The following MYT1 variants were observed in gnomAD, a reference collection of about 807,000 sequenced individuals.
MYT1 encodes the protein myelin transcription factor 1.
MYT1 carries 23 observed loss-of-function variants against 123.0 expected under a neutral mutation model. The observed-to-expected ratio is 0.19, with a 90% confidence interval of 0.13 to 0.26. The LOEUF is 0.26. Ranked by LOEUF, MYT1 falls within the 10% of genes least tolerant of loss-of-function variation. The pLI, the probability that MYT1 is intolerant of heterozygous loss-of-function variation, is 1.00. For synonymous variants in MYT1, 518 were observed against 575.3 expected (o/e 0.90, Z 1.43); for missense variants, 1,125 against 1,472.5 (o/e 0.76, Z 3.86).
intron 2 of MYT1, 55 bp from the exon 3 acceptor site, chr20:64,198,807 A>G: frequency 4.4e-6 from 7 of 1,590,340 alleles, no homozygotes; most frequent in Non-Finnish European, 6.0e-6. Context: ...ATGGCTCTGT[A>G]CTCCAGAGGC....
Position 64,186,900 on chromosome 20 carries a change from C to T in MYT1, c.-98-3163C>T, listed in dbSNP as rs59789404. On this transcript the variant is annotated intron_variant, in intron 1 of 22. Coordinates refer to ENST00000328439, the MANE Select transcript of MYT1 (RefSeq NM_004535.3). This position sits in a 1 kb window ranked among gnomAD's most constrained non-coding sequence, Gnocchi z 4.3. Reference sequence around the variant, plus strand: ...TTCCGTGGAGACTTTTCCTGTAGCCCGTGGCCCCGGCATCCATGTTTCCGT... The same window carrying T: ...TTCCGTGGAGACTTTTCCTGTAGCCTGTGGCCCCGGCATCCATGTTTCCGT... Among the ~76,000 whole-genome samples the T allele has an allele frequency of 0.15, 21,194 of 143,200 alleles. 1,887 individuals carry two copies. Among genetic ancestry groups the T allele is most frequent in the African/African-American group, 0.28 (10,498 of 37,144 alleles). 93.9% of individuals were successfully genotyped at this position (143,200 alleles called of 152,430 possible). A position where few individuals can be genotyped will look rare whatever the true frequency, so the allele number is the denominator to read the frequency against.
chr20:64,184,943 G>T (rs909659245), intron 1 of MYT1, among the ~76,000 whole-genome samples: 2 of 152,216 alleles, frequency 1.3e-5, no homozygotes, highest in Non-Finnish European at 1.5e-5. Context: ...TGCCACAGAA[G>T]GGGGTGAACA....
chr20:64,222,980 G>A, intron 14 of MYT1, 131 bp from the exon 15 acceptor site: 1 of 913,820 alleles, frequency 1.1e-6, no homozygotes, highest in Non-Finnish European at 1.8e-6. Flanking sequence ...CAAGGACTGA[G>A]TGGAGGAGGG....
At chr20:64,237,603 G>A (rs558173208) in intron 21 of MYT1, among the ~76,000 whole-genome samples, 3 of 152,296 alleles carry the variant, frequency 2.0e-5, no homozygotes, top group East Asian at 3.9e-4. Flanking sequence ...CCAGTGGGCC[G>A]CCGGAGCTGG....
rs1982923383 is a variant in MYT1 at position 64,190,226 on chromosome 20, C to T, written c.-1+66C>T. On this transcript the variant is annotated intron_variant, in intron 2 of 22. Coordinates refer to ENST00000328439, the MANE Select transcript of MYT1 (RefSeq NM_004535.3). This position sits in a 1 kb window ranked among gnomAD's most constrained non-coding sequence, Gnocchi z 4.1. ...CCATGGCTGCCTGCACAAAGCCTCT[C>T]TTCAGCTGCAGGCATGAAGCATGGA... 1 of 152,646 alleles carries T rather than the reference C, an allele frequency of 6.6e-6. No homozygotes were observed. The highest frequency in any genetic ancestry group is 2.1e-4 in the South Asian group (1 of 4,836). 9.5% of individuals were successfully genotyped at this position (152,646 alleles called of 1,614,324 possible).
In MYT1 at chr20:64,241,794, A is replaced by T. The variant is rs1247059441; in HGVS notation, c.*1346A>T. The T allele has an allele frequency of 6.6e-6, 1 of 152,602 alleles. No individual in the cohort carries two copies. The highest frequency in any genetic ancestry group is 1.5e-5 in the Non-Finnish European group (1 of 68,028). The allele number at this position is 152,602 out of a possible 1,614,324, so 9.5% of individuals were successfully genotyped here. ...TTGATGCAACCAAGTTATTTTTTAT[A>T]TATTTTGTTATTTATTCTTTTAATA... On this transcript the variant is annotated 3_prime_UTR_variant, in exon 23 of 23. Coordinates refer to ENST00000328439, the MANE Select transcript of MYT1 (RefSeq NM_004535.3). The surrounding 1 kb of genome is among the most constrained non-coding windows in gnomAD (Gnocchi z 4.2).
At chr20:64,225,278 C>A (rs1984136332) in intron 16 of MYT1, among the ~76,000 whole-genome samples, 1 of 152,220 alleles carries the variant, frequency 6.6e-6, no homozygotes, top group South Asian at 2.1e-4. Flanking sequence ...CCCTCCTGAT[C>A]AGCCTCGTGG....
rs1455594463 is a variant in MYT1, at chr20:64,190,838, A to G, written c.-1+678A>G. On this transcript the variant is annotated intron_variant, in intron 2 of 22. Coordinates refer to ENST00000328439, the MANE Select transcript of MYT1 (RefSeq NM_004535.3). This position sits in a 1 kb window ranked among gnomAD's most constrained non-coding sequence, Gnocchi z 4.1. The stretch of plus-strand genomic sequence containing the variant: ...ACAAAAATTAGCCGGGCATGGTGGC[A>G]TGCGCCTGTAATCCCAGCTACTGGG... Among the ~76,000 whole-genome samples the G allele has an allele frequency of 6.6e-6, 1 of 152,062 alleles. No homozygotes were observed.
At chr20:64,238,985 C>T (rs1241604653) in intron 21 of MYT1, among the ~76,000 whole-genome samples, 1 of 152,198 alleles carries the variant, frequency 6.6e-6, no homozygotes, top group African/African-American at 2.4e-5. Flanking sequence ...GCAGAAGAAG[C>T]GTGCTTGACC....
At chr20:64,211,054 A>ACTGT (rs1227570723) in intron 7 of MYT1, 152 bp from the exon 8 acceptor site, 4 of 816,770 alleles carry the variant, frequency 4.9e-6, no homozygotes, top group Non-Finnish European at 7.2e-6. Flanking sequence ...GGGTCTCCTG[A>ACTGT]CTGTCCAGCC....
chr20:64,226,242 C>A (rs1419217819), intron 16 of MYT1, among the ~76,000 whole-genome samples: 3 of 152,230 alleles, frequency 2.0e-5, no homozygotes, highest in African/African-American at 7.2e-5. Context: ...CCCAGGAGGG[C>A]ACCCCAAAAA....
intron 12 of MYT1, among the ~76,000 whole-genome samples, chr20:64,219,393 TCA>T (rs1366216103): frequency 6.6e-6 from 1 of 152,232 alleles, no homozygotes; most frequent in Non-Finnish European, 1.5e-5. Flanking sequence ...CGTGCCCTGT[TCA>T]CACGTGTTTC....
chr20:64,173,701 G>C (rs1982366854), intron 1 of MYT1, among the ~76,000 whole-genome samples: 2 of 2,242 alleles, frequency 8.9e-4, no homozygotes, highest in East Asian at 0.17. Context: ...ATCTTTCCTT[G>C]TAGTTGTGTC....
At chr20:64,228,077 C>A in intron 18 of MYT1, 106 bp downstream of exon 18, 1 of 1,097,808 alleles carries the variant, frequency 9.1e-7, no homozygotes, top group Non-Finnish European at 1.3e-6. Context: ...ATTAATACAA[C>A]GGGTCACCTA....
chr20:64,164,724 A>G lies in MYT1; in HGVS notation c.-114A>G, dbSNP rs1982032587. The G allele has an allele frequency of 6.6e-6, 1 of 152,122 alleles. No individual in the cohort carries two copies. Among genetic ancestry groups the G allele is most frequent in the Non-Finnish European group, 1.5e-5 (1 of 68,038 alleles). The allele number at this position is 152,122 out of a possible 1,614,324, so 9.4% of individuals were successfully genotyped here. A position where few individuals can be genotyped will look rare whatever the true frequency, so the allele number is the denominator to read the frequency against. On this transcript the variant is annotated 5_prime_UTR_variant, in exon 1 of 23. Coordinates refer to ENST00000328439, the MANE Select transcript of MYT1 (RefSeq NM_004535.3). Reference sequence around the variant, plus strand: ...ATGTCATTTTGAAAGAGGACAGACAATAGCTGTGGGGAAAGGTAAGTCAAC... The same window carrying G: ...ATGTCATTTTGAAAGAGGACAGACAGTAGCTGTGGGGAAAGGTAAGTCAAC...
chr20:64,235,822 A>G (rs112575391), intron 19 of MYT1, among the ~76,000 whole-genome samples: 4 of 19,110 alleles, frequency 2.1e-4, no homozygotes, highest in Admixed American at 9.4e-4. Flanking sequence ...GGTGGGTGAC[A>G]CTGGGCTGGC....
intron 1 of MYT1, among the ~76,000 whole-genome samples, chr20:64,184,466 A>G (rs527947818): frequency 7.2e-5 from 11 of 152,116 alleles, no homozygotes; most frequent in African/African-American, 2.2e-4. Context: ...TGGACTCTCA[A>G]TTATGTCCCA....
rs774980889 is a variant in MYT1, at chr20:64,239,816, G to A, written c.3150G>A (p.Glu1050=). 1.9e-6 allele frequency: 3 copies of A among 1,614,010 alleles called. No individual in the cohort carries two copies. The South Asian group carries it at 3.3e-5, about 18-fold the overall frequency. ...TCGAGGAGGAGAACAAGCTCATTGA[G>A]GAGCAGAATGAAGCCCTGTTTCTGG... ...KNIEEENKLI[E]EQNEALFLEL... The change falls in exon 22 of 23, where the codon GAG becomes GAA. Residue 1050 remains glutamate (E), a synonymous_variant. Coordinates refer to ENST00000328439, the MANE Select transcript of MYT1 (RefSeq NM_004535.3).
chr20:64,236,356 A>C (rs868500499), intron 19 of MYT1, among the ~76,000 whole-genome samples, 199 bp from the exon 20 acceptor site: 4,227 of 49,366 alleles, frequency 0.086, no homozygotes, highest in Middle Eastern at 0.13. Context: ...TGACCCTGGG[A>C]TGGCCGCGGT....
Sources: gnomAD v4.1 joint callset for allele counts (sites outside exome capture counted in the v4.1 genomes callset) on GRCh38, gnomAD v4.1.1 for gene constraint, Gnocchi (gnomAD v3.1) non-coding constraint, MANE v1.5 for transcripts, NCBI Gene and HGNC (gene_info 2026-07-23, HGNC 2026-07-21) for gene names.